The following MEIS1 variants were observed in gnomAD, a reference collection of about 807,000 sequenced individuals.
The protein encoded by MEIS1 is Meis homeobox 1.
Under a neutral mutation model 50.8 loss-of-function variants are expected in MEIS1, and 5 were observed. That is an observed-to-expected ratio of 0.10 (90% CI 0.05 to 0.21). The LOEUF (loss-of-function observed/expected upper bound fraction) is 0.21. MEIS1 is among the 10% of genes least tolerant of loss of function. The pLI, the probability that MEIS1 is intolerant of heterozygous loss-of-function variation, is 1.00. For synonymous variants in MEIS1, 176 were observed against 179.3 expected (o/e 0.98, Z 0.15); for missense variants, 318 against 517.3 (o/e 0.61, Z 3.74).
chr2:66,528,200 G>A (rs776419128), intron 8 of MEIS1, among the ~76,000 whole-genome samples: 2 of 152,172 alleles, frequency 1.3e-5, no homozygotes, highest in Non-Finnish European at 2.9e-5. Flanking sequence ...AGTGCCAAGA[G>A]AGAAAAGGAG....
chr2:66,503,947 T>G (rs535044962), intron 7 of MEIS1, among the ~76,000 whole-genome samples: 1 of 151,890 alleles, frequency 6.6e-6, no homozygotes, highest in South Asian at 2.1e-4. Flanking sequence ...GTGTTTCACC[T>G]TGTTAGCCAG....
chr2:66,508,649 C>G (rs1673745223), intron 7 of MEIS1, among the ~76,000 whole-genome samples: 1 of 152,248 alleles, frequency 6.6e-6, no homozygotes, highest in South Asian at 2.1e-4. Flanking sequence ...TTAATTGCCA[C>G]ACGGACTTCA....
intron 6 of MEIS1, among the ~76,000 whole-genome samples, chr2:66,452,591 GA>G (rs2103715997): frequency 6.6e-6 from 1 of 152,030 alleles, no homozygotes; most frequent in Admixed American, 6.5e-5. Context: ...CTAACAAAGA[GA>G]AACAGGAATT....
chr2:66,546,378 C>A (rs1306415703), intron 8 of MEIS1, among the ~76,000 whole-genome samples: 1 of 152,122 alleles, frequency 6.6e-6, no homozygotes, highest in African/African-American at 2.4e-5. Context: ...GTGGGCAAGG[C>A]TGGATGGTGA....
chr2:66,543,011 A>G (rs1470376699), intron 8 of MEIS1, among the ~76,000 whole-genome samples: 1 of 152,204 alleles, frequency 6.6e-6, no homozygotes, highest in African/African-American at 2.4e-5. Context: ...ACTTTCTTTC[A>G]ATGTATTGTA....
At chr2:66,556,348 G>T (rs1305551696) in intron 9 of MEIS1, among the ~76,000 whole-genome samples, 1 of 152,160 alleles carries the variant, frequency 6.6e-6, no homozygotes, top group African/African-American at 2.4e-5. Context: ...TAGATCCTAT[G>T]GTTGAAGAAG....
intron 5 of MEIS1, 115 bp from the exon 6 acceptor site, chr2:66,442,787 C>A: frequency 1.0e-6 from 1 of 987,710 alleles, no homozygotes; most frequent in Non-Finnish European, 1.5e-6. Context: ...GACAATTGCC[C>A]TGTGTTTCCC....
chr2:66,462,197 T>G lies in MEIS1; in HGVS notation c.631-1912T>G, dbSNP rs567640209. On this transcript the variant is annotated intron_variant, in intron 6 of 12. Coordinates refer to ENST00000272369, the MANE Select transcript of MEIS1 (RefSeq NM_002398.3). ...TTTGGAGTCCTAGTCTTAATCAGAT[T>G]AACAAACATGCTTCTGATGAGGTTG... Among the ~76,000 whole-genome samples the G allele has an allele frequency of 1.0e-3, 153 of 152,312 alleles. No individual in the cohort carries two copies. The South Asian group carries it at 0.013, about 13-fold the overall frequency.
At chr2:66,447,760 T>C (rs1040588948) in intron 6 of MEIS1, among the ~76,000 whole-genome samples, 2 of 152,132 alleles carry the variant, frequency 1.3e-5, no homozygotes, top group African/African-American at 2.4e-5. Context: ...ATCACTTACA[T>C]TGGTAAATGT....
At chr2:66,496,434 C>T (rs1208740417) in intron 7 of MEIS1, among the ~76,000 whole-genome samples, 1 of 152,080 alleles carries the variant, frequency 6.6e-6, no homozygotes, top group African/African-American at 2.4e-5. Flanking sequence ...AGCAGCCTGA[C>T]CAGGCCTGGT....
intron 7 of MEIS1, among the ~76,000 whole-genome samples, chr2:66,509,540 A>G (rs1047166497): frequency 6.6e-6 from 1 of 152,228 alleles, no homozygotes; most frequent in Admixed American, 6.5e-5. Flanking sequence ...GAAACCTTTT[A>G]TTCAGGAGAG....
intron 6 of MEIS1, among the ~76,000 whole-genome samples, chr2:66,453,118 C>G (rs1218259034): frequency 6.6e-6 from 1 of 151,914 alleles, no homozygotes; most frequent in African/African-American, 2.4e-5. Flanking sequence ...TTGCGACATT[C>G]TAAAGGTTTG....
At chr2:66,484,255 C>T (rs549318507) in intron 7 of MEIS1, among the ~76,000 whole-genome samples, 3 of 152,144 alleles carry the variant, frequency 2.0e-5, no homozygotes, top group Non-Finnish European at 4.4e-5. Context: ...TACCAAATGA[C>T]TCGAAGGTGC....
chr2:66,510,644 C>T (rs565941977), intron 7 of MEIS1, among the ~76,000 whole-genome samples: 10 of 151,974 alleles, frequency 6.6e-5, no homozygotes, highest in African/African-American at 2.4e-4. Flanking sequence ...TTGTTCCTCA[C>T]CCAACAAACT....
chr2:66,449,213 T>C (rs949686855), intron 6 of MEIS1, among the ~76,000 whole-genome samples: 1 of 152,094 alleles, frequency 6.6e-6, no homozygotes. Context: ...CTAAATCCCG[T>C]TGGGCTTGCT....
At chr2:66,512,695 G>A (rs890631557) in intron 8 of MEIS1, among the ~76,000 whole-genome samples, 1 of 152,088 alleles carries the variant, frequency 6.6e-6, no homozygotes, top group Non-Finnish European at 1.5e-5. Flanking sequence ...TACAACAAAT[G>A]GTCCACAAAA....
At chr2:66,465,378 G>C (rs1343305724) in intron 7 of MEIS1, among the ~76,000 whole-genome samples, 1 of 152,172 alleles carries the variant, frequency 6.6e-6, no homozygotes, top group Non-Finnish European at 1.5e-5. Context: ...GTTCAGAGCT[G>C]AGAGGTAACC....
intron 7 of MEIS1, among the ~76,000 whole-genome samples, chr2:66,503,395 T>C (rs1673603617): frequency 6.6e-6 from 1 of 152,188 alleles, no homozygotes; most frequent in African/African-American, 2.4e-5. Context: ...CTCTGCCCTT[T>C]TAGGCTGCCC....
Position 66,497,934 on chromosome 2 carries a change from T to TA in MEIS1, c.743-14214dup, listed in dbSNP as rs151235512. Among the ~76,000 whole-genome samples, 1,154 of 152,272 alleles carry TA rather than the reference T, an allele frequency of 7.6e-3. 9 individuals carry two copies. The highest frequency in any genetic ancestry group is 0.026 in the African/African-American group (1,092 of 41,548). On this transcript the variant is annotated intron_variant, in intron 7 of 12. Coordinates refer to ENST00000272369, the MANE Select transcript of MEIS1 (RefSeq NM_002398.3). The stretch of plus-strand genomic sequence containing the variant: ...TTTAGGCAGCACTGCCACCCATTGT[T>TA]ACTCTGAAGCACACTTGCAAAGTTC...
Sources: allele counts gnomAD v4.1 joint callset (sites outside exome capture counted in the v4.1 genomes callset), GRCh38; gene constraint gnomAD v4.1.1; transcripts MANE v1.5; gene names NCBI Gene and HGNC (gene_info 2026-07-23, HGNC 2026-07-21).